PCDHA12: variants seen among roughly 807,000 people sequenced by gnomAD.
The protein encoded by PCDHA12 is protocadherin alpha 12.
PCDHA12 carries 44 observed loss-of-function variants against 60.0 expected under a neutral mutation model. The ratio of observed to expected loss-of-function variants is 0.73; its 90% CI spans 0.58 to 0.94. The LOEUF (loss-of-function observed/expected upper bound fraction) is 0.94, where lower values mean the gene tolerates loss of function less well. PCDHA12 is among the 40% of genes least tolerant of loss of function. The pLI is 0.00. For missense variants in PCDHA12, 1,276 were observed against 1,239.7 expected (o/e 1.03, Z -0.44); for synonymous variants, 569 against 553.0 (o/e 1.03, Z -0.40).
chr5:140,938,973 G>A (rs112209995), intron 1 of PCDHA12, among the ~76,000 whole-genome samples: 3 of 152,224 alleles, frequency 2.0e-5, no homozygotes, highest in East Asian at 1.9e-4. Context: ...TTGGCATCAA[G>A]GCTATCCTGG....
At chr5:140,887,473 G>T (rs574265811) in intron 1 of PCDHA12, among the ~76,000 whole-genome samples, 10 of 152,222 alleles carry the variant, frequency 6.6e-5, no homozygotes, top group African/African-American at 2.4e-4. Flanking sequence ...TAATTCAGTT[G>T]TCTTCTGGCT....
At chr5:140,982,824 G>GGTTT (rs74513655) in intron 3 of PCDHA12, among the ~76,000 whole-genome samples, 1 of 151,942 alleles carries the variant, frequency 6.6e-6, no homozygotes, top group African/African-American at 2.4e-5. Context: ...AAGTTTTTGG[G>GGTTT]GTTTGTTTGT....
chr5:140,927,412 G>A, intron 1 of PCDHA12: 1 of 1,614,122 alleles, frequency 6.2e-7, no homozygotes, highest in African/African-American at 1.3e-5. Context: ...CCTGGACATG[G>A]GATCGCGGGT....
chr5:140,966,539 T>TCGGAGGCGAG (rs2096018089), intron 1 of PCDHA12: 1 of 462,064 alleles, frequency 2.2e-6, no homozygotes, highest in Non-Finnish European at 3.7e-6. Flanking sequence ...GTTGAGCGAC[T>TCGGAGGCGAG]CGGAGGCGAG....
chr5:140,960,134 A>G (rs1480555997), intron 1 of PCDHA12, among the ~76,000 whole-genome samples: 10 of 152,232 alleles, frequency 6.6e-5, no homozygotes, highest in African/African-American at 2.2e-4. Context: ...TGAAATACTT[A>G]GATATTAATA....
chr5:140,897,361 G>A (rs1455815825), intron 1 of PCDHA12, among the ~76,000 whole-genome samples: 1 of 123,218 alleles, frequency 8.1e-6, no homozygotes, highest in Non-Finnish European at 1.6e-5. Context: ...TGTCCCCAGA[G>A]TGTGATGTTC....
At chr5:140,892,850 A>G (rs2063700618) in intron 1 of PCDHA12, among the ~76,000 whole-genome samples, 1 of 152,104 alleles carries the variant, frequency 6.6e-6, no homozygotes, top group Non-Finnish European at 1.5e-5. Flanking sequence ...ACCACAACCC[A>G]TTCCTCCTGT....
chr5:140,886,698 C>G (rs578140955), intron 1 of PCDHA12, among the ~76,000 whole-genome samples: 3 of 151,820 alleles, frequency 2.0e-5, no homozygotes, highest in Non-Finnish European at 4.4e-5. Flanking sequence ...TGGTGGCACG[C>G]GCCTGTAATC....
chr5:140,930,257 A>C (rs1412873070), intron 1 of PCDHA12: 1 of 152,218 alleles, frequency 6.6e-6, no homozygotes, highest in Non-Finnish European at 1.5e-5. Flanking sequence ...ACTTGGATTT[A>C]ATTTCTTTTA....
rs529251467 is a variant in PCDHA12 at position 140,953,424 on chromosome 5, T to C, written c.2368-25525T>C. The stretch of plus-strand genomic sequence containing the variant: ...TGTTGCTCCTGGCTCCTCCCCTTTG[T>C]CCTTAAGCTGGAGAAACTAGGGATT... On this transcript the variant is annotated intron_variant, in intron 1 of 3. Transcript: ENST00000398631. 2.6e-5 allele frequency among the ~76,000 whole-genome samples: 4 copies of C among 152,230 alleles called. No individual in the cohort carries two copies. In the East Asian group the frequency reaches 7.7e-4, roughly 29 times the overall value.
Position 140,883,846 on chromosome 5 carries a change from G to A in PCDHA12, c.2367+6007G>A, listed in dbSNP as rs782516685. On this transcript the variant is annotated intron_variant, in intron 1 of 3. Coordinates refer to ENST00000398631, the MANE Select transcript of PCDHA12 (RefSeq NM_018903.4). ...ACGCGCTGCAGCCGTTGGACCACGA[G>A]GAGCTGGAGCTGTTGCAGTTCCAGG... is the stretch of plus-strand genomic sequence containing the variant. The A allele has an allele frequency of 6.8e-6, 11 of 1,612,790 alleles. 1 individual carries two copies. In the Admixed American group the frequency reaches 1.7e-4, roughly 24 times the overall value.
At chr5:140,943,380 T>A (rs2093488086) in intron 1 of PCDHA12, among the ~76,000 whole-genome samples, 3 of 151,328 alleles carry the variant, frequency 2.0e-5, no homozygotes, top group Admixed American at 2.0e-4. Context: ...AATATACAGG[T>A]AAGAAATTAT....
intron 1 of PCDHA12, among the ~76,000 whole-genome samples, chr5:140,914,423 G>T (rs1293093692): frequency 3.3e-5 from 5 of 152,086 alleles, no homozygotes; most frequent in African/African-American, 1.2e-4. Context: ...CCATTAGCAA[G>T]GAATATCTTT....
At chr5:140,890,917 G>C (rs1465334645) in intron 1 of PCDHA12, among the ~76,000 whole-genome samples, 3 of 152,116 alleles carry the variant, frequency 2.0e-5, no homozygotes, top group Non-Finnish European at 4.4e-5. Context: ...AATAATTTGA[G>C]AGTTTCCTTT....
chr5:140,975,461 G>A (rs2096668419), intron 1 of PCDHA12, among the ~76,000 whole-genome samples: 1 of 152,196 alleles, frequency 6.6e-6, no homozygotes, highest in Non-Finnish European at 1.5e-5. Context: ...GGCCATCTTG[G>A]AATTCTGCCT....
intron 1 of PCDHA12, among the ~76,000 whole-genome samples, chr5:140,917,131 G>C (rs572644426): frequency 6.6e-6 from 1 of 152,072 alleles, no homozygotes; most frequent in Non-Finnish European, 1.5e-5. Flanking sequence ...GACTCCCCAC[G>C]TTGCTCAGCT....
chr5:140,884,654 T>C, intron 1 of PCDHA12: 1 of 1,602,858 alleles, frequency 6.2e-7, no homozygotes, highest in South Asian at 1.1e-5. Context: ...CTCAGAATGC[T>C]TGAAAGAGGT....
At chr5:140,910,485 A>G (rs1251216481) in intron 1 of PCDHA12, among the ~76,000 whole-genome samples, 1 of 152,206 alleles carries the variant, frequency 6.6e-6, no homozygotes. Flanking sequence ...TGGCATACAG[A>G]GAAGAGCAAT....
chr5:140,932,125 A>G (rs1272736604), intron 1 of PCDHA12, among the ~76,000 whole-genome samples: 1 of 151,932 alleles, frequency 6.6e-6, no homozygotes, highest in African/African-American at 2.4e-5. Context: ...ATAATATTTA[A>G]GATATAAACA....
Sources: gnomAD v4.1 joint callset for allele counts (sites outside exome capture counted in the v4.1 genomes callset) on GRCh38, gnomAD v4.1.1 for gene constraint, MANE v1.5 for transcripts, NCBI Gene and HGNC (gene_info 2026-07-23, HGNC 2026-07-21) for gene names.